Variants in TAF5L observed in about 807,000 individuals in gnomAD.
The protein encoded by TAF5L is TAF5-like RNA polymerase II p300/CBP-associated factor-associated factor 65 kDa subunit 5L.
In TAF5L, 7 loss-of-function variants were observed where a neutral mutation model predicts 51.3. That is an observed-to-expected ratio of 0.14 (90% CI 0.08 to 0.26). TAF5L has a LOEUF of 0.26. Ranked by LOEUF, TAF5L falls within the 10% of genes least tolerant of loss-of-function variation. The pLI, the probability that TAF5L is intolerant of heterozygous loss-of-function variation, is 1.00. For synonymous variants in TAF5L, 291 were observed against 308.1 expected (o/e 0.94, Z 0.58); for missense variants, 575 against 758.9 (o/e 0.76, Z 2.85).
At chr1:229,618,214 C>A (rs1195408419) in intron 1 of TAF5L, among the ~76,000 whole-genome samples, 2 of 152,142 alleles carry the variant, frequency 1.3e-5, no homozygotes, top group African/African-American at 2.4e-5. Context: ...TCGTTACCTG[C>A]CTAGCTTTTC....
intron 3 of TAF5L, among the ~76,000 whole-genome samples, chr1:229,604,571 C>T (rs1005624132): frequency 3.3e-5 from 5 of 152,110 alleles, no homozygotes; most frequent in African/African-American, 9.7e-5. Flanking sequence ...GTATGTCTGG[C>T]TTAAGGAGAT....
At chr1:229,624,815 C>T (rs1429069065) in intron 1 of TAF5L, among the ~76,000 whole-genome samples, 1 of 152,160 alleles carries the variant, frequency 6.6e-6, no homozygotes, top group African/African-American at 2.4e-5. Context: ...TTTCCTACTC[C>T]CCCTTCCAAG....
intron 4 of TAF5L, chr1:229,600,164 C>G (rs892226796): frequency 1.5e-5 from 15 of 985,210 alleles, no homozygotes; most frequent in Middle Eastern, 5.2e-4. Flanking sequence ...CACCAACTAT[C>G]GTAACTAATT....
Position 229,602,295 on chromosome 1 carries a change from CAGG to C in TAF5L, c.869_871del (p.Ser290del). Reference sequence around the variant, plus strand: ...GGATCGTAAACTCCAAAGTTTTATACAGGAGTTGTCAAACCCAGCAGCAAGCAG... The same window carrying C: ...GGATCGTAAACTCCAAAGTTTTATACAGTTGTCAAACCCAGCAGCAAGCAG... On this transcript the variant is annotated inframe_deletion, in exon 4 of 5. Transcript: ENST00000258281. The surrounding 1 kb of genome is among the most constrained non-coding windows in gnomAD (Gnocchi z 4.6). The C allele has an allele frequency of 1.2e-6, 2 of 1,614,138 alleles. No homozygotes were observed. Among genetic ancestry groups the C allele is most frequent in the Non-Finnish European group, 1.7e-6 (2 of 1,180,038 alleles).
At chr1:229,606,394 C>T (rs1664597385) in intron 3 of TAF5L, 3 of 976,498 alleles carry the variant, frequency 3.1e-6, no homozygotes, top group African/African-American at 3.5e-5. Flanking sequence ...TCTATCTACC[C>T]ACTGAAATGT....
intron 3 of TAF5L, among the ~76,000 whole-genome samples, chr1:229,605,590 T>C (rs1664563747): frequency 6.8e-6 from 1 of 147,376 alleles, no homozygotes; most frequent in Non-Finnish European, 1.5e-5. Context: ...TCAAACATTA[T>C]TTTAAATGTT....
chr1:229,615,239 C>G (rs1347579414), intron 1 of TAF5L, among the ~76,000 whole-genome samples: 1 of 152,106 alleles, frequency 6.6e-6, no homozygotes, highest in Non-Finnish European at 1.5e-5. Context: ...AGGCACCCAC[C>G]ACCACGCCCA....
intron 1 of TAF5L, among the ~76,000 whole-genome samples, chr1:229,619,189 G>C (rs7537773): frequency 0.28 from 42,771 of 152,108 alleles, 6,245 homozygotes; most frequent in South Asian, 0.41. Flanking sequence ...TAAAGCCCTA[G>C]CTTTGCATTA....
chr1:229,595,990 T>C (rs918127359), intron 4 of TAF5L, among the ~76,000 whole-genome samples: 10 of 152,144 alleles, frequency 6.6e-5, no homozygotes, highest in African/African-American at 2.4e-4. Flanking sequence ...CACACAACCA[T>C]TGGTTCAGGC....
At chr1:229,614,561 G>A in intron 1 of TAF5L, 76 bp from the exon 2 acceptor site, 1 of 1,569,108 alleles carries the variant, frequency 6.4e-7, no homozygotes, top group Non-Finnish European at 8.7e-7. Flanking sequence ...CACCATCGCA[G>A]ATGGGTAGGA....
At chr1:229,597,641 G>A (rs991627506) in intron 4 of TAF5L, among the ~76,000 whole-genome samples, 2 of 152,220 alleles carry the variant, frequency 1.3e-5, no homozygotes, top group Non-Finnish European at 2.9e-5. Context: ...CATACCCTAC[G>A]ATTCAGCCTG....
chr1:229,611,277 T>C (rs183157278), intron 2 of TAF5L, among the ~76,000 whole-genome samples: 194 of 152,236 alleles, frequency 1.3e-3, no homozygotes, highest in African/African-American at 4.2e-3. Flanking sequence ...GTTTATGCTT[T>C]CTAAAAACAA....
At chr1:229,623,661 C>T (rs1436550888) in intron 1 of TAF5L, among the ~76,000 whole-genome samples, 1 of 152,228 alleles carries the variant, frequency 6.6e-6, no homozygotes, top group Non-Finnish European at 1.5e-5. Flanking sequence ...ACTACGAATA[C>T]TTAACACTGA....
chr1:229,600,737 C>G, intron 4 of TAF5L: 1 of 985,384 alleles, frequency 1.0e-6, no homozygotes, highest in Non-Finnish European at 1.2e-6. Flanking sequence ...TTCTGATACC[C>G]GGAAATAAAC....
chr1:229,602,688 T>C lies in TAF5L; in HGVS notation c.479A>G (p.Asp160Gly), dbSNP rs186142228. Residue 160 changes from aspartate to glycine, a missense_variant, in exon 4 of 5, where the codon GAT becomes GGT. Transcript: ENST00000258281. This position sits in a 1 kb window ranked among gnomAD's most constrained non-coding sequence, Gnocchi z 4.6. ...TTGGAGACGGACCACGTACTTGTTA[T>C]CTAGGAATGCTCGAAGCTTGAAGTT... 2.0e-5 allele frequency: 33 copies of C among 1,614,180 alleles called. No individual in the cohort carries two copies. Among genetic ancestry groups the C allele is most frequent in the Admixed American group, 1.8e-4 (11 of 60,020 alleles).
chr1:229,601,036 A>G, intron 4 of TAF5L: 1 of 983,056 alleles, frequency 1.0e-6, no homozygotes, highest in Non-Finnish European at 1.2e-6. Context: ...ATTCAAATAC[A>G]AATGTAATAA....
chr1:229,601,143 C>T, intron 4 of TAF5L: 1 of 985,360 alleles, frequency 1.0e-6, no homozygotes, highest in Non-Finnish European at 1.2e-6. Context: ...TTCAATTATA[C>T]TGTCTCGGTT....
intron 4 of TAF5L, chr1:229,599,831 A>G (rs746798359): frequency 1.4e-4 from 134 of 985,356 alleles, no homozygotes; most frequent in Non-Finnish European, 1.4e-4. Context: ...CACCGTTTCA[A>G]ATACTGTAGA....
At chr1:229,626,043 G>C (rs995523499) in exon 1 of TAF5L, 2 of 151,196 alleles carry the variant, frequency 1.3e-5, no homozygotes, top group African/African-American at 2.4e-5. Context: ...GCTCTGGGCG[G>C]CCGCTCCATG....
Sources: gnomAD v4.1 joint callset for allele counts (sites outside exome capture counted in the v4.1 genomes callset) on GRCh38, gnomAD v4.1.1 for gene constraint, Gnocchi (gnomAD v3.1) non-coding constraint, MANE v1.5 for transcripts, NCBI Gene and HGNC (gene_info 2026-07-23, HGNC 2026-07-21) for gene names.